The following ADGRL3 variants were observed in gnomAD, a reference collection of about 807,000 sequenced individuals.
The protein encoded by ADGRL3 is calcium-independent alpha-latrotoxin receptor 3.
Under a neutral mutation model 153.5 loss-of-function variants are expected in ADGRL3, and 62 were observed. The ratio of observed to expected loss-of-function variants is 0.40; its 90% CI spans 0.33 to 0.50. The LOEUF is 0.50. Ranked by LOEUF, ADGRL3 falls within the 20% of genes least tolerant of loss-of-function variation. The probability of loss-of-function intolerance (pLI) is 0.47; values close to 1 mark genes in which losing one functional copy is unlikely to be tolerated. For synonymous variants in ADGRL3, 710 were observed against 672.5 expected (o/e 1.06, Z -0.86); for missense variants, 1,641 against 1,859.4 (o/e 0.88, Z 2.16).
At chr4:61,883,610 G>T (rs1445502014) in intron 9 of ADGRL3, among the ~76,000 whole-genome samples, 1 of 152,136 alleles carries the variant, frequency 6.6e-6, no homozygotes, top group Non-Finnish European at 1.5e-5. Context: ...TTAAATGATG[G>T]AGTGTTTATT....
intron 7 of ADGRL3, among the ~76,000 whole-genome samples, chr4:61,731,721 G>A (rs1210353847): frequency 6.6e-6 from 1 of 152,094 alleles, no homozygotes; most frequent in African/African-American, 2.4e-5. Flanking sequence ...TTACACACAT[G>A]TGGCTAAGGA....
chr4:61,879,227 A>G (rs1325901157), intron 9 of ADGRL3, among the ~76,000 whole-genome samples: 1 of 152,212 alleles, frequency 6.6e-6, no homozygotes, highest in Non-Finnish European at 1.5e-5. Context: ...ACTAAAATAA[A>G]TATAAGAATT....
intron 13 of ADGRL3, among the ~76,000 whole-genome samples, chr4:61,930,620 C>T (rs533427336): frequency 6.6e-6 from 1 of 151,360 alleles, no homozygotes; most frequent in African/African-American, 2.4e-5. Flanking sequence ...CTGAATTTGC[C>T]TAAGGTCTGA....
At chr4:61,552,110 G>A (rs1054126449) in intron 4 of ADGRL3, among the ~76,000 whole-genome samples, 1 of 152,152 alleles carries the variant, frequency 6.6e-6, no homozygotes, top group Non-Finnish European at 1.5e-5. Flanking sequence ...TATAGAATTT[G>A]TGAGTGCCTA....
At chr4:61,753,830 C>T (rs1192103852) in intron 8 of ADGRL3, among the ~76,000 whole-genome samples, 2 of 152,048 alleles carry the variant, frequency 1.3e-5, no homozygotes, top group Non-Finnish European at 2.9e-5. Flanking sequence ...TGTACTTGAC[C>T]ACATAGGTCC....
chr4:61,403,045 GCCTTTCC>G (rs1403760914), intron 2 of ADGRL3, among the ~76,000 whole-genome samples: 1 of 73,124 alleles, frequency 1.4e-5, no homozygotes, highest in Non-Finnish European at 3.4e-5. Context: ...TCCCCACCTG[GCCTTTCC>G]TCTTTGTGTG....
intron 9 of ADGRL3, among the ~76,000 whole-genome samples, chr4:61,844,601 CT>C (rs1489448708): frequency 1.6e-5 from 1 of 63,268 alleles, no homozygotes; most frequent in African/African-American, 5.9e-5. Flanking sequence ...TATATATTTA[CT>C]TTATTCACCC....
At chr4:61,400,703 C>T (rs552120094) in intron 2 of ADGRL3, among the ~76,000 whole-genome samples, 1 of 151,438 alleles carries the variant, frequency 6.6e-6, no homozygotes, top group Non-Finnish European at 1.5e-5. Flanking sequence ...ATTATGGTTT[C>T]CATGGTAACC....
At chr4:61,322,136 G>C (rs2095369991) in intron 1 of ADGRL3, among the ~76,000 whole-genome samples, 1 of 151,870 alleles carries the variant, frequency 6.6e-6, no homozygotes, top group Non-Finnish European at 1.5e-5. Context: ...AGCAGGCAAA[G>C]AGAGAGCTTG....
chr4:61,234,238 A>T (rs1446209886), intron 1 of ADGRL3, among the ~76,000 whole-genome samples: 5 of 152,256 alleles, frequency 3.3e-5, no homozygotes, highest in South Asian at 4.1e-4. Context: ...GGGCGGCCTC[A>T]GAATCATGGC....
chr4:61,442,012 A>T (rs1304975115), intron 2 of ADGRL3, among the ~76,000 whole-genome samples: 1 of 152,126 alleles, frequency 6.6e-6, no homozygotes. Context: ...TAACATGTAA[A>T]TTTAATTATT....
intron 1 of ADGRL3, among the ~76,000 whole-genome samples, chr4:61,281,296 T>C (rs989597187): frequency 2.2e-4 from 34 of 152,126 alleles, no homozygotes; most frequent in African/African-American, 8.2e-4. Context: ...GCTTTGTCCA[T>C]TGCTGCTATT....
chr4:61,753,671 C>G (rs1448357970), intron 8 of ADGRL3, among the ~76,000 whole-genome samples: 1 of 152,114 alleles, frequency 6.6e-6, no homozygotes, highest in Admixed American at 6.5e-5. Flanking sequence ...AGACAGAGAA[C>G]AGGATTAGAT....
intron 1 of ADGRL3, among the ~76,000 whole-genome samples, chr4:61,207,936 A>G (rs1738074702): frequency 6.6e-6 from 1 of 152,216 alleles, no homozygotes; most frequent in African/African-American, 2.4e-5. Flanking sequence ...TAGGATGAGA[A>G]AATGATTAGA....
chr4:61,951,602 A>T (rs1318398235), intron 17 of ADGRL3, among the ~76,000 whole-genome samples: 2 of 152,240 alleles, frequency 1.3e-5, no homozygotes, highest in Admixed American at 1.3e-4. Flanking sequence ...GTAGTGGCTC[A>T]TGCAAGTAAT....
rs1746657184 is a variant in ADGRL3, at chr4:62,074,858, T to A, written c.*3950T>A. On this transcript the variant is annotated 3_prime_UTR_variant, in exon 27 of 27. Transcript: ENST00000683033. ...ATTAACTTAATTGGTATGACAAAAC[T>A]TTTCATAATAGATATAAGCATATAA... 1 of 152,146 alleles carries A rather than the reference T, an allele frequency of 6.6e-6. No individual in the cohort carries two copies. The highest frequency in any genetic ancestry group is 6.5e-5 in the Admixed American group (1 of 15,272). The allele number at this position is 152,146 out of a possible 1,614,324, so 9.4% of individuals were successfully genotyped here.
In ADGRL3 at chr4:61,432,651, TTTC is replaced by T. The variant is rs762929422; in HGVS notation, c.-174+49465_-174+49467del. ...CTTTCTTTCTTTCTTTCTTTCTTTC[TTTC>T]TTTTTTTTTTTTTTTTGAGACAGAA... On this transcript the variant is annotated intron_variant, in intron 2 of 26. Coordinates refer to ENST00000683033, the MANE Select transcript of ADGRL3 (RefSeq NM_001387552.1). 2.3e-3 allele frequency among the ~76,000 whole-genome samples: 187 copies of T among 80,938 alleles called. 18 individuals carry two copies. Among genetic ancestry groups the T allele is most frequent in the South Asian group, 0.013 (24 of 1,910 alleles). The allele number at this position is 80,938 out of a possible 152,430, so 53.1% of individuals were successfully genotyped here. A position where few individuals can be genotyped will look rare whatever the true frequency, so the allele number is the denominator to read the frequency against.
intron 2 of ADGRL3, among the ~76,000 whole-genome samples, chr4:61,386,533 C>A (rs2096738260): frequency 1.3e-5 from 2 of 152,108 alleles, no homozygotes; most frequent in Admixed American, 1.3e-4. Context: ...TACTCATGGT[C>A]AATCTAGCAA....
rs376301838 is a variant in ADGRL3 at position 61,901,641 on chromosome 4, T to C, written c.1887+5807T>C. On this transcript the variant is annotated intron_variant, in intron 11 of 26. Transcript: ENST00000683033. ...TTTCAAAGAAATGGTAGCTATGTAC[T>C]TCAATGCTATGTGTAATTCCTTTAT... Among the ~76,000 whole-genome samples, 19 of 152,326 alleles carry C rather than the reference T, an allele frequency of 1.2e-4. No homozygotes were observed. In the East Asian group the frequency reaches 3.1e-3, roughly 25 times the overall value.
Sources: allele counts gnomAD v4.1 joint callset (sites outside exome capture counted in the v4.1 genomes callset), GRCh38; gene constraint gnomAD v4.1.1; transcripts MANE v1.5; gene names NCBI Gene and HGNC (gene_info 2026-07-23, HGNC 2026-07-21).